The following ANK2 variants were observed in gnomAD, a reference collection of about 807,000 sequenced individuals.
ANK2 encodes the protein ankyrin-2.
A neutral mutation model predicts 360.5 loss-of-function variants in ANK2; 83 were observed. The ratio of observed to expected loss-of-function variants is 0.23; its 90% CI spans 0.19 to 0.28. The LOEUF (loss-of-function observed/expected upper bound fraction) is 0.28. Among genes scored for constraint, ANK2 ranks in the 10% least tolerant of loss-of-function variants. The probability of loss-of-function intolerance (pLI) is 1.00; values close to 1 mark genes in which losing one functional copy is unlikely to be tolerated. For missense variants in ANK2, 4,201 were observed against 4,795.7 expected (o/e 0.88, Z 3.66); for synonymous variants, 1,740 against 1,759.5 (o/e 0.99, Z 0.28).
At chr4:112,775,981 G>T in the ANK2 span, among the ~76,000 whole-genome samples, 1 of 152,190 alleles carries the variant, frequency 6.6e-6, no homozygotes, top group Admixed American at 6.5e-5. Context: ...ATAATTTGCA[G>T]CTCTAACAAG....
At chr4:113,351,728 G>GA (rs960932584) in intron 37 of ANK2, among the ~76,000 whole-genome samples, 127 of 148,314 alleles carry the variant, frequency 8.6e-4, no homozygotes, top group African/African-American at 2.8e-3. Flanking sequence ...AAAAAAAAAA[G>GA]AAAAAAAAAT....
the ANK2 span, chr4:112,738,865 A>G: frequency 4.7e-6 from 3 of 637,320 alleles, no homozygotes; most frequent in South Asian, 4.2e-5. Flanking sequence ...AGCAACAACA[A>G]CAAACAAACA....
At chr4:113,298,867 C>T (rs2073393564) in intron 22 of ANK2, among the ~76,000 whole-genome samples, 1 of 152,138 alleles carries the variant, frequency 6.6e-6, no homozygotes. Context: ...TTTCAAAGGA[C>T]ATTTTGTTTA....
At chr4:112,779,397 T>C in the ANK2 span, among the ~76,000 whole-genome samples, 1 of 152,110 alleles carries the variant, frequency 6.6e-6, no homozygotes, top group African/African-American at 2.4e-5. Flanking sequence ...TGGGCGCCTG[T>C]AGTCCCAGTT....
rs1554558808 is a variant in ANK2 at position 113,355,772 on chromosome 4, C to T, written c.7154C>T (p.Pro2385Leu). The stretch of plus-strand genomic sequence containing the variant: ...GACGAGACAAAGGCCTTGCCGCTGC[C>T]TGAGGCTTCTGTAAAGACAGATACA... Reference protein sequence around the residue: ...TSDETKALPLPEASVKTDTGT... With the variant: ...TSDETKALPLLEASVKTDTGT... The change falls in exon 38 of 46, where the codon CCT becomes CTT. Residue 2385 changes from proline to leucine, a missense_variant. Physicochemically the swap from Pro to Leu is moderately conservative, Grantham distance 98 (BLOSUM62 -3). This residue lies in a region of ANK2 where 2,642 missense variants were observed against 2,714.5 expected (regional missense o/e 0.97). Transcript: ENST00000357077. 1 of 1,614,106 alleles carries T rather than the reference C, an allele frequency of 6.2e-7. No homozygotes were observed. The highest frequency in any genetic ancestry group is 8.5e-7 in the Non-Finnish European group (1 of 1,179,982).
At chr4:112,814,544 C>G (rs2055509723), upstream of ANK2, among the ~76,000 whole-genome samples, 1 of 152,078 alleles carries the variant, frequency 6.6e-6, no homozygotes, top group Non-Finnish European at 1.5e-5. Flanking sequence ...CCTCCCTGGG[C>G]TCAGGGGATC....
At chr4:112,895,691 T>C (rs2081527002) in intron 1 of ANK2, among the ~76,000 whole-genome samples, 1 of 152,216 alleles carries the variant, frequency 6.6e-6, no homozygotes. Flanking sequence ...GGAACACTTT[T>C]AATTCATAAG....
At chr4:112,777,598 TA>T in the ANK2 span, among the ~76,000 whole-genome samples, 53 of 148,078 alleles carry the variant, frequency 3.6e-4, no homozygotes, top group South Asian at 0.011. Flanking sequence ...AAAGTAGTTT[TA>T]AAAAAATACA....
chr4:112,766,204 C>T, the ANK2 span, among the ~76,000 whole-genome samples: 7 of 151,616 alleles, frequency 4.6e-5, no homozygotes, highest in South Asian at 4.2e-4. Flanking sequence ...TGGTGGTGCA[C>T]GCCTGTAGTC....
intron 2 of ANK2, among the ~76,000 whole-genome samples, chr4:112,968,740 C>T (rs2038305055): frequency 6.6e-6 from 1 of 152,186 alleles, no homozygotes; most frequent in African/African-American, 2.4e-5. Flanking sequence ...CACAATTCTT[C>T]ATTATTTAAT....
intron 45 of ANK2, among the ~76,000 whole-genome samples, chr4:113,376,606 C>T (rs936069952): frequency 1.3e-5 from 2 of 152,064 alleles, no homozygotes; most frequent in Non-Finnish European, 2.9e-5. Flanking sequence ...AATAAATTAA[C>T]TTTAGCTTAC....
chr4:113,154,139 G>T (rs892858478), intron 1 of ANK2, among the ~76,000 whole-genome samples: 6 of 152,206 alleles, frequency 3.9e-5, no homozygotes, highest in Non-Finnish European at 2.9e-5. Flanking sequence ...CCAGCAAATG[G>T]GCCCTTCTGC....
intron 2 of ANK2, among the ~76,000 whole-genome samples, chr4:113,188,330 A>G (rs898666763): frequency 1.3e-5 from 2 of 152,190 alleles, no homozygotes; most frequent in East Asian, 3.8e-4. Context: ...GAAAGCTTCT[A>G]ATACTTAGGA....
Position 113,355,864 on chromosome 4 carries a change from C to T in ANK2, c.7246C>T (p.Arg2416Ter). 1.2e-6 allele frequency: 2 copies of T among 1,614,042 alleles called. No individual in the cohort carries two copies. The highest frequency in any genetic ancestry group is 1.7e-6 in the Non-Finnish European group (2 of 1,179,942). Reference sequence around the variant, plus strand: ...AGGGTTAGAACTTGCACTCCCTAGCCGAGATAGCGAAGTCCTCAGCGCTGT... The same window carrying T: ...AGGGTTAGAACTTGCACTCCCTAGCTGAGATAGCGAAGTCCTCAGCGCTGT... ...PQGLELALPS[R>*]DSEVLSAVAD... is the part of the protein sequence containing the mutation. Residue 2416 changes from arginine (R) to a stop codon, truncating the protein, a stop_gained, in exon 38 of 46, where the codon CGA (arginine) becomes TGA (stop). Coordinates refer to ENST00000357077, the MANE Select transcript of ANK2 (RefSeq NM_001148.6). LOFTEE classifies it high-confidence loss of function.
chr4:113,188,938 T>C (rs1409104692), intron 2 of ANK2, among the ~76,000 whole-genome samples: 1 of 152,208 alleles, frequency 6.6e-6, no homozygotes, highest in East Asian at 1.9e-4. Context: ...ACCTTCATAC[T>C]GTACACATTA....
intron 2 of ANK2, among the ~76,000 whole-genome samples, chr4:113,184,159 T>G (rs1481431239): frequency 1.3e-5 from 2 of 151,268 alleles, no homozygotes; most frequent in East Asian, 4.0e-4. Flanking sequence ...AGAGAACAGA[T>G]TTAGCCCAGA....
At chr4:113,190,089 T>G (rs1017852563) in intron 2 of ANK2, among the ~76,000 whole-genome samples, 3 of 151,740 alleles carry the variant, frequency 2.0e-5, no homozygotes, top group African/African-American at 7.2e-5. Flanking sequence ...AAAAAAAAAC[T>G]TAAGGGAGAA....
chr4:113,359,109 G>A lies in ANK2; in HGVS notation c.10491G>A (p.Arg3497=). Reference sequence around the variant, plus strand: ...TGGATAGGCTGACACAGTCAGAGAGGGAGCAGGAAATAGTTTCAGACGATG... The same window carrying A: ...TGGATAGGCTGACACAGTCAGAGAGAGAGCAGGAAATAGTTTCAGACGATG... ...KLVDRLTQSE[R]EQEIVSDDES... is the part of the protein sequence containing the mutation. Residue 3497 remains arginine, a synonymous_variant, in exon 38 of 46, where the codon AGG becomes AGA. Transcript: ENST00000357077. 1 of 1,614,042 alleles carries A rather than the reference G, an allele frequency of 6.2e-7. No homozygotes were observed. The highest frequency in any genetic ancestry group is 8.5e-7 in the Non-Finnish European group (1 of 1,179,936).
At position 112,915,761 on chromosome 4, in the gene ANK2, A is replaced by T. The variant is rs149916031; in HGVS notation, c.21+11247A>T. 7.9e-3 allele frequency among the ~76,000 whole-genome samples: 1,192 copies of T among 151,086 alleles called. 12 individuals are homozygous for T. Among genetic ancestry groups the T allele is most frequent in the African/African-American group, 0.011 (458 of 40,968 alleles). ...CAGAGTGAGACTCTGTTTCAAAAAA[A>T]AAATAAATAAATAAATAAATAATAA... On this transcript the variant is annotated intron_variant, in intron 2 of 30. Coordinates refer to the ANK2 transcript ENST00000503271.
Sources: gnomAD v4.1 joint callset for allele counts (sites outside exome capture counted in the v4.1 genomes callset) on GRCh38, gnomAD v4.1.1 for gene constraint, gnomAD v4.1.1 regional missense constraint, MANE v1.5 for transcripts, NCBI Gene and HGNC (gene_info 2026-07-23, HGNC 2026-07-21) for gene names.